Variants in CSNK1G3 observed in about 807,000 individuals in gnomAD.
CSNK1G3 encodes casein kinase 1 gamma 3.
In CSNK1G3, 23 loss-of-function variants were observed where a neutral mutation model predicts 64.3. The observed-to-expected ratio is 0.36, with a 90% CI of 0.26 to 0.51. The LOEUF (loss-of-function observed/expected upper bound fraction) is 0.51. Among genes scored for constraint, CSNK1G3 ranks in the 20% least tolerant of loss-of-function variants. The probability of loss-of-function intolerance (pLI) is 0.96; values close to 1 mark genes in which losing one functional copy is unlikely to be tolerated. For synonymous variants in CSNK1G3, 158 were observed against 162.2 expected (o/e 0.97, Z 0.20); for missense variants, 357 against 510.5 (o/e 0.70, Z 2.90).
At chr5:123,590,371 AG>A in intron 8 of CSNK1G3, 38 bp from the exon 9 acceptor site, 3 of 1,082,902 alleles carry the variant, frequency 2.8e-6, no homozygotes, top group Non-Finnish European at 3.7e-6. Context: ...TGAGTATTAA[AG>A]AAAAGTATAG....
In CSNK1G3 at chr5:123,544,809, T is replaced by G. The variant is rs890208239; in HGVS notation, c.-247-608T>G. Among the ~76,000 whole-genome samples, 3 of 152,234 alleles carry G rather than the reference T, an allele frequency of 2.0e-5. No homozygotes were observed. The South Asian group carries it at 6.2e-4, about 31-fold the overall frequency. On this transcript the variant is annotated intron_variant, in intron 1 of 12. Transcript: ENST00000345990. ...TCACAGTCTTGTGAAATTACATTTATGTTTTTAAGGCCCACGTTAAATGTT... is the reference window on the plus strand; with the variant it reads ...TCACAGTCTTGTGAAATTACATTTAGGTTTTTAAGGCCCACGTTAAATGTT...
In CSNK1G3 at chr5:123,604,858, A is replaced by G. The variant is rs747062984; in HGVS notation, c.1193+28A>G. The G allele has an allele frequency of 6.6e-6, 10 of 1,507,160 alleles. No individual in the cohort carries two copies. The East Asian group carries it at 2.1e-4, about 32-fold the overall frequency. The allele number at this position is 1,507,160 out of a possible 1,614,324, so 93.4% of individuals were successfully genotyped here. On this transcript the variant is annotated intron_variant, in intron 11 of 12. Transcript: ENST00000345990. Reference sequence around the variant, plus strand: ...ATGTGTTTGTTTTACTTGTTTTAGTAACTTTTTGTTCTTAAATTATGCATG... The same window carrying G: ...ATGTGTTTGTTTTACTTGTTTTAGTGACTTTTTGTTCTTAAATTATGCATG...
intron 1 of CSNK1G3, among the ~76,000 whole-genome samples, chr5:123,529,601 A>T (rs1779599777): frequency 6.6e-6 from 1 of 152,126 alleles, no homozygotes; most frequent in South Asian, 2.1e-4. Flanking sequence ...AGCATCCCAA[A>T]ATTTCCTTGA....
intron 10 of CSNK1G3, among the ~76,000 whole-genome samples, chr5:123,600,868 C>G (rs765747191): frequency 1.3e-5 from 2 of 148,978 alleles, no homozygotes; most frequent in Non-Finnish European, 3.0e-5. Flanking sequence ...CAACATCCCT[C>G]TTAAATTCTG....
chr5:123,544,195 C>G (rs1366904445), intron 1 of CSNK1G3, among the ~76,000 whole-genome samples: 1 of 152,128 alleles, frequency 6.6e-6, no homozygotes, highest in Non-Finnish European at 1.5e-5. Context: ...AAGAACGATC[C>G]TATAAAATCC....
intron 1 of CSNK1G3, among the ~76,000 whole-genome samples, chr5:123,541,856 ACT>A (rs1224870409): frequency 6.8e-6 from 1 of 146,628 alleles, no homozygotes; most frequent in African/African-American, 2.5e-5. Flanking sequence ...TTTAAAGTCC[ACT>A]GTCTTGCTAT....
chr5:123,613,269 G>A (rs909355543), intron 12 of CSNK1G3, among the ~76,000 whole-genome samples: 8 of 151,004 alleles, frequency 5.3e-5, no homozygotes, highest in African/African-American at 1.7e-4. Context: ...CAGCCTTGAT[G>A]TGTTCATCTC....
intron 5 of CSNK1G3, 63 bp from the exon 6 acceptor site, chr5:123,575,666 C>A: frequency 1.1e-6 from 1 of 942,816 alleles, no homozygotes. Context: ...TTGCCTTTAT[C>A]ATACTTGCTT....
At chr5:123,612,388 C>G (rs916842052) in intron 12 of CSNK1G3, among the ~76,000 whole-genome samples, 12 of 151,666 alleles carry the variant, frequency 7.9e-5, no homozygotes, top group African/African-American at 2.9e-4. Context: ...GTGTAGATTT[C>G]TGTTTACATT....
chr5:123,551,504 C>T (rs759136684), intron 2 of CSNK1G3, among the ~76,000 whole-genome samples: 1 of 152,070 alleles, frequency 6.6e-6, no homozygotes, highest in African/African-American at 2.4e-5. Flanking sequence ...TGTTACTTAG[C>T]GTTAATATGA....
intron 4 of CSNK1G3, among the ~76,000 whole-genome samples, chr5:123,568,564 G>C (rs184889262): frequency 6.6e-5 from 10 of 152,250 alleles, no homozygotes; most frequent in African/African-American, 2.2e-4. Flanking sequence ...AATGCTGAAC[G>C]ACCATAGAAA....
At chr5:123,566,760 G>C (rs1402956499) in intron 4 of CSNK1G3, among the ~76,000 whole-genome samples, 1 of 151,778 alleles carries the variant, frequency 6.6e-6, no homozygotes, top group Non-Finnish European at 1.5e-5. Flanking sequence ...GTTTTTCTTT[G>C]TGGTCCTAGA....
At position 123,604,216 on chromosome 5, in the gene CSNK1G3, C is replaced by T. The variant is rs376226168; in HGVS notation, c.1087-508C>T. ...AAGTTAAAGAGGAATCACAGTGACC[C>T]CTACGTTTGAACAACTGGGTGAATG... is the stretch of plus-strand genomic sequence containing the variant. On this transcript the variant is annotated intron_variant, in intron 10 of 12. Coordinates refer to ENST00000345990, the Ensembl canonical transcript of CSNK1G3. Among the ~76,000 whole-genome samples, 8 of 152,094 alleles carry T rather than the reference C, an allele frequency of 5.3e-5. No individual in the cohort carries two copies. The South Asian group carries it at 1.5e-3, about 28-fold the overall frequency.
intron 12 of CSNK1G3, among the ~76,000 whole-genome samples, chr5:123,612,125 T>A (rs930380584): frequency 6.6e-6 from 1 of 152,254 alleles, no homozygotes; most frequent in Non-Finnish European, 1.5e-5. Context: ...GAGAGTAAAG[T>A]TGATAAACAT....
At chr5:123,512,871 G>C (rs1470399708) in intron 1 of CSNK1G3, among the ~76,000 whole-genome samples, 1 of 152,034 alleles carries the variant, frequency 6.6e-6, no homozygotes, top group Non-Finnish European at 1.5e-5. Context: ...GGAGTGGTGC[G>C]GCGCGACTGG....
chr5:123,589,239 ATAT>A (rs1791899493), intron 8 of CSNK1G3, among the ~76,000 whole-genome samples: 1 of 152,182 alleles, frequency 6.6e-6, no homozygotes, highest in Non-Finnish European at 1.5e-5. Context: ...TGTAATAATA[ATAT>A]TATCAACATA....
exon 9 of CSNK1G3, chr5:123,590,507 T>C: frequency 1.3e-6 from 2 of 1,544,216 alleles, no homozygotes; most frequent in South Asian, 1.3e-5. Flanking sequence ...ACTTGTTTGA[T>C]CGAAAAGGAT....
intron 2 of CSNK1G3, among the ~76,000 whole-genome samples, chr5:123,547,077 A>G (rs1002454113): frequency 9.2e-5 from 14 of 152,174 alleles, no homozygotes; most frequent in Admixed American, 6.6e-4. Flanking sequence ...ATTATTGTGT[A>G]TAATTCTCAC....
At chr5:123,533,310 A>G (rs1780241610) in intron 1 of CSNK1G3, among the ~76,000 whole-genome samples, 1 of 151,950 alleles carries the variant, frequency 6.6e-6, no homozygotes, top group Non-Finnish European at 1.5e-5. Flanking sequence ...GGTTAAATTT[A>G]TATTTTTACA....
Sources: allele counts gnomAD v4.1 joint callset (sites outside exome capture counted in the v4.1 genomes callset), GRCh38; gene constraint gnomAD v4.1.1; transcripts MANE v1.5; gene names NCBI Gene and HGNC (gene_info 2026-07-23, HGNC 2026-07-21).